ASIC2: variants seen among roughly 807,000 people sequenced by gnomAD.
ASIC2 encodes the protein acid-sensing ion channel 2.
In ASIC2, 25 loss-of-function variants were observed where a neutral mutation model predicts 57.3. The observed-to-expected ratio is 0.44, with a 90% CI of 0.32 to 0.61. The LOEUF (loss-of-function observed/expected upper bound fraction) is 0.61. Among genes scored for constraint, ASIC2 ranks in the 20% least tolerant of loss-of-function variants. ASIC2 has a pLI of 0.06. For missense variants in ASIC2, 641 were observed against 738.1 expected (o/e 0.87, Z 1.52); for synonymous variants, 319 against 307.5 (o/e 1.04, Z -0.39).
Position 33,085,581 on chromosome 17 carries a change from G to C in ASIC2, c.987+3282C>G, listed in dbSNP as rs181337332. Among the ~76,000 whole-genome samples the C allele has an allele frequency of 8.2e-4, 125 of 152,324 alleles. 1 individual carries two copies. The highest frequency in any genetic ancestry group is 2.7e-3 in the African/African-American group (112 of 41,564). The stretch of plus-strand genomic sequence containing the variant: ...AATCTACAGGCTCTGTGAGGGCAGA[G>C]ACTGCGTCTCTTTTGTTTACCACTG... On this transcript the variant is annotated intron_variant, in intron 3 of 9. Transcript: ENST00000225823.
chr17:34,101,721 G>A (rs903019327), intron 1 of ASIC2, among the ~76,000 whole-genome samples: 6 of 152,046 alleles, frequency 3.9e-5, no homozygotes, highest in African/African-American at 9.7e-5. Context: ...GTAAGTCTCC[G>A]TACGTGTTTT....
intron 1 of ASIC2, among the ~76,000 whole-genome samples, chr17:33,613,799 C>T (rs915639932): frequency 3.9e-5 from 6 of 152,216 alleles, no homozygotes; most frequent in African/African-American, 1.4e-4. Context: ...GGGTCTTTCT[C>T]ATACTACTTA....
rs75282077 is a variant in ASIC2 at position 33,892,538 on chromosome 17, A to G, written c.555+263440T>C. On this transcript the variant is annotated intron_variant, in intron 1 of 9. Transcript: ENST00000359872. ...TAATCCCATCACTCTACATTACTCA[A>G]ATAGAAGGGCAACCACTTCGTGCCT... is the stretch of plus-strand genomic sequence containing the variant. Among the ~76,000 whole-genome samples, 1,127 of 152,258 alleles carry G rather than the reference A, an allele frequency of 7.4e-3. 15 individuals carry two copies. Among genetic ancestry groups the G allele is most frequent in the African/African-American group, 0.026 (1,081 of 41,546 alleles).
intron 1 of ASIC2, among the ~76,000 whole-genome samples, chr17:33,846,120 T>C (rs1266069898): frequency 6.6e-6 from 1 of 152,134 alleles, no homozygotes; most frequent in African/African-American, 2.4e-5. Flanking sequence ...AAGGGGAAAG[T>C]AGAAAGAGCA....
intron 1 of ASIC2, among the ~76,000 whole-genome samples, chr17:33,255,593 G>A (rs1023590537): frequency 5.0e-5 from 7 of 139,490 alleles, no homozygotes; most frequent in Admixed American, 1.4e-4. Context: ...AGGGGGGATC[G>A]GAGGGACGGG....
chr17:33,389,800 A>C (rs1909824823), intron 1 of ASIC2, among the ~76,000 whole-genome samples: 1 of 152,252 alleles, frequency 6.6e-6, no homozygotes, highest in Non-Finnish European at 1.5e-5. Flanking sequence ...CTATTTATGA[A>C]CAGGAATGAT....
Position 33,041,369 on chromosome 17 carries a change from C to A in ASIC2, c.988-12977G>T, listed in dbSNP as rs375067359. On this transcript the variant is annotated intron_variant, in intron 3 of 9. Transcript: ENST00000225823. ...TATGAAAGTCCTTCATTCAAGATGG[C>A]AGTATGGTGGCTGGTCTCTTTGCCT... 5.9e-5 allele frequency among the ~76,000 whole-genome samples: 9 copies of A among 152,320 alleles called. 1 individual carries two copies. The South Asian group carries it at 1.9e-3, about 32-fold the overall frequency.
At chr17:33,141,153 G>C (rs1364005832) in intron 1 of ASIC2, among the ~76,000 whole-genome samples, 1 of 152,178 alleles carries the variant, frequency 6.6e-6, no homozygotes, top group East Asian at 1.9e-4. Context: ...ATCAGATTAG[G>C]TTTCTTGGGC....
At chr17:33,998,963 A>G (rs1906247259) in intron 1 of ASIC2, among the ~76,000 whole-genome samples, 1 of 152,134 alleles carries the variant, frequency 6.6e-6, no homozygotes, top group Admixed American at 6.5e-5. Context: ...AAAGTGGGAT[A>G]TTGAAGCCTC....
chr17:33,487,203 C>T (rs1301728723), intron 1 of ASIC2, among the ~76,000 whole-genome samples: 1 of 152,142 alleles, frequency 6.6e-6, no homozygotes, highest in Non-Finnish European at 1.5e-5. Context: ...TGCAATGGTT[C>T]CCTTTTACCA....
In ASIC2 at chr17:33,013,818, G is replaced by A; in HGVS notation, c.*147C>T. 4.2e-6 allele frequency: 3 copies of A among 718,222 alleles called. No homozygotes were observed. Among genetic ancestry groups the A allele is most frequent in the South Asian group, 3.5e-5 (2 of 56,496 alleles). 44.5% of individuals were successfully genotyped at this position (718,222 alleles called of 1,614,324 possible). On this transcript the variant is annotated 3_prime_UTR_variant, in exon 10 of 10. Transcript: ENST00000225823. ...TCGTGTTGGACGTGGCCGGAGCGAGGTCTAGGCAGCTAGTCTGCAATGTGT... is the reference window on the plus strand; with the variant it reads ...TCGTGTTGGACGTGGCCGGAGCGAGATCTAGGCAGCTAGTCTGCAATGTGT...
intron 1 of ASIC2, among the ~76,000 whole-genome samples, chr17:33,460,633 T>C (rs1323148882): frequency 3.3e-5 from 5 of 152,192 alleles, no homozygotes; most frequent in African/African-American, 4.8e-5. Context: ...ATGCTTTCTG[T>C]TTCAAAATGA....
intron 1 of ASIC2, among the ~76,000 whole-genome samples, chr17:33,445,409 T>A (rs539777600): frequency 6.6e-6 from 1 of 152,272 alleles, no homozygotes; most frequent in African/African-American, 2.4e-5. Context: ...CCAGCCTGGG[T>A]GACAGAACGA....
rs141433445 is a variant in ASIC2 at position 33,075,076 on chromosome 17, T to G, written c.987+13787A>C. ...GCTGTGTCCCCACCCAAATTTCATC[T>G]TGAATTGTAACTCCCACAATTCCCA... On this transcript the variant is annotated intron_variant, in intron 3 of 9. Transcript: ENST00000225823. Among the ~76,000 whole-genome samples the G allele has an allele frequency of 1.7e-3, 257 of 152,298 alleles. 1 individual carries two copies. Among genetic ancestry groups the G allele is most frequent in the African/African-American group, 5.9e-3 (247 of 41,562 alleles).
chr17:33,116,175 T>C (rs1269367136), intron 1 of ASIC2, among the ~76,000 whole-genome samples: 5 of 152,252 alleles, frequency 3.3e-5, no homozygotes, highest in African/African-American at 1.2e-4. Flanking sequence ...CCTGGCTGCA[T>C]GCCTTTGCTG....
intron 1 of ASIC2, chr17:34,039,740 A>C: frequency 6.2e-7 from 1 of 1,612,266 alleles, no homozygotes; most frequent in Non-Finnish European, 8.5e-7. Flanking sequence ...TTATCACTCA[A>C]GGATCCGACG....
intron 1 of ASIC2, among the ~76,000 whole-genome samples, chr17:33,495,473 T>A (rs1450479967): frequency 6.6e-6 from 1 of 152,208 alleles, no homozygotes; most frequent in Non-Finnish European, 1.5e-5. Context: ...TCTTTGACTT[T>A]ATTTTTCTCA....
intron 1 of ASIC2, among the ~76,000 whole-genome samples, chr17:33,480,638 T>G (rs930547164): frequency 2.0e-5 from 3 of 152,122 alleles, no homozygotes; most frequent in African/African-American, 7.2e-5. Flanking sequence ...GGGGGGACCA[T>G]TGACCATCTC....
At chr17:33,281,252 C>G (rs373302670) in intron 1 of ASIC2, among the ~76,000 whole-genome samples, 4 of 152,190 alleles carry the variant, frequency 2.6e-5, no homozygotes, top group African/African-American at 9.7e-5. Flanking sequence ...ATGAAAATGA[C>G]ATAATGTTTC....
Sources: allele counts gnomAD v4.1 joint callset (sites outside exome capture counted in the v4.1 genomes callset), GRCh38; gene constraint gnomAD v4.1.1; transcripts MANE v1.5; gene names NCBI Gene and HGNC (gene_info 2026-07-23, HGNC 2026-07-21).